Variants in PRKG1 observed in about 807,000 individuals in gnomAD.
PRKG1 encodes protein kinase cGMP-dependent 1.
In PRKG1, 35 loss-of-function variants were observed where a neutral mutation model predicts 88.1. That is an observed-to-expected ratio of 0.40 (90% CI 0.30 to 0.53). The LOEUF is 0.53. Ranked by LOEUF, PRKG1 falls within the 20% of genes least tolerant of loss-of-function variation. The probability of loss-of-function intolerance (pLI) is 0.59; values close to 1 mark genes in which losing one functional copy is unlikely to be tolerated. For synonymous variants in PRKG1, 303 were observed against 292.5 expected (o/e 1.04, Z -0.37); for missense variants, 540 against 839.8 (o/e 0.64, Z 4.41).
At chr10:51,840,521 ATT>A (rs1564669808) in intron 4 of PRKG1, among the ~76,000 whole-genome samples, 1 of 46,878 alleles carries the variant, frequency 2.1e-5, no homozygotes, top group African/African-American at 6.7e-5. Flanking sequence ...CCTCTATTTT[ATT>A]TATTTATTTA....
chr10:52,205,986 A>G (rs1354083716), intron 9 of PRKG1, among the ~76,000 whole-genome samples: 2 of 152,194 alleles, frequency 1.3e-5, no homozygotes, highest in Non-Finnish European at 2.9e-5. Context: ...AGAAATTGCC[A>G]TGAATGATTT....
intron 5 of PRKG1, among the ~76,000 whole-genome samples, chr10:51,917,318 CAAAA>C (rs1288522303): frequency 3.5e-4 from 24 of 69,506 alleles, no homozygotes; most frequent in Non-Finnish European, 7.4e-4. Flanking sequence ...GACTCCATCT[CAAAA>C]AAAAAAAAAA....
At chr10:51,655,863 A>C (rs1020539205) in intron 3 of PRKG1, among the ~76,000 whole-genome samples, 1 of 152,176 alleles carries the variant, frequency 6.6e-6, no homozygotes, top group Non-Finnish European at 1.5e-5. Context: ...ATCACGAAAT[A>C]TTGGGGATAA....
At chr10:51,133,591 T>C (rs1845621287) in intron 1 of PRKG1, among the ~76,000 whole-genome samples, 1 of 152,220 alleles carries the variant, frequency 6.6e-6, no homozygotes, top group South Asian at 2.1e-4. Context: ...GCTGCTGTCA[T>C]GCAAACATTT....
intron 3 of PRKG1, among the ~76,000 whole-genome samples, chr10:51,641,925 T>C (rs867611982): frequency 6.6e-6 from 1 of 152,104 alleles, no homozygotes; most frequent in African/African-American, 2.4e-5. Flanking sequence ...AGCAGTTCTG[T>C]TTCCCTTGAA....
At chr10:52,136,257 A>G (rs1837416862) in intron 8 of PRKG1, among the ~76,000 whole-genome samples, 1 of 152,092 alleles carries the variant, frequency 6.6e-6, no homozygotes, top group South Asian at 2.1e-4. Context: ...ATGGGACCCC[A>G]GGGGAGAAAA....
At chr10:52,080,892 T>C (rs1488474680) in intron 7 of PRKG1, among the ~76,000 whole-genome samples, 1 of 152,130 alleles carries the variant, frequency 6.6e-6, no homozygotes, top group Admixed American at 6.5e-5. Flanking sequence ...TCCAGAGTGT[T>C]GATTACTGTG....
intron 3 of PRKG1, among the ~76,000 whole-genome samples, chr10:51,670,782 AAAT>A (rs1840553594): frequency 6.6e-6 from 1 of 151,118 alleles, no homozygotes; most frequent in African/African-American, 2.4e-5. Context: ...ATAAATAAAT[AAAT>A]AAAAATGCAA....
rs116941768 is a variant in PRKG1 at position 51,869,994 on chromosome 10, G to A, written c.699-37513G>A. Among the ~76,000 whole-genome samples the A allele has an allele frequency of 4.2e-3, 637 of 152,150 alleles. 2 individuals carry two copies. Among genetic ancestry groups the A allele is most frequent in the Non-Finnish European group, 7.7e-3 (525 of 67,972 alleles). ...ACCTTACAAAGAAAATCACAGCAAC[G>A]TGAAAGACTTCTTCCCTGAACAACT... On this transcript the variant is annotated intron_variant, in intron 4 of 17. Transcript: ENST00000373980.
rs906435994 is a variant in PRKG1 at position 51,690,693 on chromosome 10, C to T, written c.593-113892C>T. ...CTGTAATCCCAGCACTTTGGGAGGCCGAGGAGGGTGGATAAGGAGGTCCAG... is the reference window on the plus strand; with the variant it reads ...CTGTAATCCCAGCACTTTGGGAGGCTGAGGAGGGTGGATAAGGAGGTCCAG... On this transcript the variant is annotated intron_variant, in intron 3 of 17. Coordinates refer to ENST00000373980, the MANE Select transcript of PRKG1 (RefSeq NM_006258.4). Among the ~76,000 whole-genome samples, 8 of 151,876 alleles carry T rather than the reference C, an allele frequency of 5.3e-5. No individual in the cohort carries two copies. In the East Asian group the frequency reaches 9.7e-4, roughly 18 times the overall value.
Position 50,991,289 on chromosome 10 carries a change from T to A in PRKG1, c.-90T>A. On this transcript the variant is annotated 5_prime_UTR_variant, in exon 1 of 18. Transcript: ENST00000401604. This position sits in a 1 kb window ranked among gnomAD's most constrained non-coding sequence, Gnocchi z 4.5. Reference sequence around the variant, plus strand: ...CCCATTCACTCGCTCACCCGCGCTCTCCGCTGCCGGCTGCCGTCCCAGCCG... The same window carrying A: ...CCCATTCACTCGCTCACCCGCGCTCACCGCTGCCGGCTGCCGTCCCAGCCG... The A allele has an allele frequency of 6.9e-7, 1 of 1,452,642 alleles. No homozygotes were observed. The highest frequency in any genetic ancestry group is 1.4e-5 in the South Asian group (1 of 71,968). The allele number at this position is 1,452,642 out of a possible 1,614,324, so 90.0% of individuals were successfully genotyped here. A position where few individuals can be genotyped will look rare whatever the true frequency, so the allele number is the denominator to read the frequency against.
intron 3 of PRKG1, among the ~76,000 whole-genome samples, chr10:51,494,030 CTTATATAT>C (rs891174114): frequency 4.6e-5 from 7 of 152,080 alleles, no homozygotes; most frequent in African/African-American, 1.7e-4. Context: ...CTTACCTGTG[CTTATATAT>C]TGATTGATTT....
Position 51,467,991 on chromosome 10 carries a change from A to G in PRKG1, c.592+155A>G. The G allele has an allele frequency of 6.2e-6, 4 of 642,290 alleles. No homozygotes were observed. In the South Asian group the frequency reaches 7.2e-5, roughly 11 times the overall value. 39.8% of individuals were successfully genotyped at this position (642,290 alleles called of 1,614,324 possible). On this transcript the variant is annotated intron_variant, in intron 3 of 17. Transcript: ENST00000373980. ...ATATAGCTGATGTATTTGTTTTCCT[A>G]CTAAAGGTGATTGTTAACAATCAGT...
At chr10:51,754,237 G>T (rs937577464) in intron 3 of PRKG1, among the ~76,000 whole-genome samples, 8 of 152,016 alleles carry the variant, frequency 5.3e-5, no homozygotes, top group African/African-American at 1.7e-4. Context: ...TATTGATTTG[G>T]ATCTAGTCCT....
At chr10:52,052,559 GA>G (rs992499390) in intron 5 of PRKG1, among the ~76,000 whole-genome samples, 1 of 151,996 alleles carries the variant, frequency 6.6e-6, no homozygotes, top group Non-Finnish European at 1.5e-5. Flanking sequence ...AACTTAGAAA[GA>G]AAAAGGTTTA....
intron 8 of PRKG1, among the ~76,000 whole-genome samples, chr10:52,147,648 C>A (rs987545801): frequency 6.6e-6 from 1 of 151,826 alleles, no homozygotes; most frequent in Admixed American, 6.6e-5. Flanking sequence ...TTAAAGGCAG[C>A]GAAACAGAGG....
intron 4 of PRKG1, among the ~76,000 whole-genome samples, chr10:51,868,069 A>G (rs1039035117): frequency 3.3e-5 from 5 of 152,142 alleles, no homozygotes; most frequent in Admixed American, 6.5e-5. Flanking sequence ...TTGTGGAAGG[A>G]AAATGGAATG....
chr10:51,208,470 G>A (rs962287635), intron 2 of PRKG1, among the ~76,000 whole-genome samples: 1 of 152,170 alleles, frequency 6.6e-6, no homozygotes, highest in African/African-American at 2.4e-5. Context: ...ATTGTTACCA[G>A]TTGGTATGTA....
chr10:51,438,253 C>T (rs752352614), intron 2 of PRKG1, among the ~76,000 whole-genome samples: 45 of 151,750 alleles, frequency 3.0e-4, no homozygotes, highest in Non-Finnish European at 5.6e-4. Flanking sequence ...ATCAGTTTCC[C>T]CTGTAATAAA....
Sources: allele counts gnomAD v4.1 joint callset (sites outside exome capture counted in the v4.1 genomes callset), GRCh38; gene constraint gnomAD v4.1.1; non-coding constraint Gnocchi (gnomAD v3.1); transcripts MANE v1.5; gene names NCBI Gene and HGNC (gene_info 2026-07-23, HGNC 2026-07-21).